TFR2: variants seen among roughly 807,000 people sequenced by gnomAD.
TFR2 encodes the protein transferrin receptor protein 2.
In TFR2, 64 loss-of-function variants were observed where a neutral mutation model predicts 91.9. The ratio of observed to expected loss-of-function variants is 0.70; its 90% CI spans 0.57 to 0.86. The LOEUF (loss-of-function observed/expected upper bound fraction) is 0.86. Among genes scored for constraint, TFR2 ranks in the 40% least tolerant of loss-of-function variants. The probability of loss-of-function intolerance (pLI) is 0.00; values close to 1 mark genes in which losing one functional copy is unlikely to be tolerated. For missense variants in TFR2, 950 were observed against 1,080.5 expected (o/e 0.88, Z 1.69); for synonymous variants, 454 against 459.6 (o/e 0.99, Z 0.15).
chr7:100,641,344 T>TG, intron 1 of TFR2, 116 bp from the exon 2 acceptor site: 1 of 134,440 alleles, frequency 7.4e-6, no homozygotes, highest in Non-Finnish European at 1.4e-5. Context: ...GGTGGGGGCG[T>TG]GGGGGAGGGG....
chr7:100,621,531 G>C (rs749351648), intron 17 of TFR2, among the ~76,000 whole-genome samples: 8 of 152,200 alleles, frequency 5.3e-5, no homozygotes, highest in Non-Finnish European at 1.2e-4. Context: ...TGGGATTACA[G>C]GTGTGAGCCA....
rs1446559111 is a variant in TFR2 at position 100,632,981 on chromosome 7, C to T, written c.849+20G>A. 6.2e-7 allele frequency: 1 copy of T among 1,613,590 alleles called. No individual in the cohort carries two copies. The highest frequency in any genetic ancestry group is 1.3e-5 in the African/African-American group (1 of 74,920). On this transcript the variant is annotated intron_variant, in intron 6 of 17. Transcript: ENST00000223051. Reference sequence around the variant, plus strand: ...TCCGGTTCCCGGGCTCAAGCCCTCCCTCTGTCCAGGGACACTTACCTTCTG... The same window carrying T: ...TCCGGTTCCCGGGCTCAAGCCCTCCTTCTGTCCAGGGACACTTACCTTCTG...
At chr7:100,630,270 TTC>T (rs1285732579) in intron 9 of TFR2, among the ~76,000 whole-genome samples, 1 of 151,634 alleles carries the variant, frequency 6.6e-6, no homozygotes, top group Non-Finnish European at 1.5e-5. Context: ...TTCTTTCTCT[TTC>T]TCTCTTTCTT....
At chr7:100,640,398 C>T in intron 3 of TFR2, 1 of 441,544 alleles carries the variant, frequency 2.3e-6, no homozygotes, top group Non-Finnish European at 4.1e-6. Context: ...CAAGGCTTTT[C>T]TGGGTCTGTC....
rs41303480 is a variant in TFR2, at chr7:100,631,822, C to T, written c.1090G>A (p.Ala364Thr). Reference sequence around the variant, plus strand: ...TCCCCTCACCTCAGCAGGCGGGAGGCAATGTCTGCACTGATGGGCTGGGCT... The same window carrying T: ...TCCCCTCACCTCAGCAGGCGGGAGGTAATGTCTGCACTGATGGGCTGGGCT... ...IPAQPISADIASRLLRKLKGP... is the reference protein window; with the variant it reads ...IPAQPISADITSRLLRKLKGP... The change falls in exon 8 of 18, where the codon GCC becomes ACC. Residue 364 changes from alanine (A) to threonine (T), a missense_variant. Physicochemically the swap from Ala to Thr is moderately conservative, Grantham distance 58. Transcript: ENST00000223051. 4.5e-5 allele frequency: 72 copies of T among 1,612,804 alleles called. No homozygotes were observed. The East Asian group carries it at 1.4e-3, about 31-fold the overall frequency.
In TFR2 at chr7:100,628,291, C is replaced by T. The variant is rs1803326748; in HGVS notation, c.1406G>A (p.Arg469Lys). 6.2e-7 allele frequency: 1 copy of T among 1,613,700 alleles called. No homozygotes were observed. The highest frequency in any genetic ancestry group is 8.5e-7 in the Non-Finnish European group (1 of 1,179,852). Residue 469 changes from arginine (R) to lysine (K), a missense_variant, in exon 11 of 18, where the codon AGA becomes AAA. Coordinates refer to ENST00000223051, the MANE Select transcript of TFR2 (RefSeq NM_003227.4). ...GTCCCAGCTGATGAAGAGGAGACTT[C>T]TGCGGGGCCGGAAGCCTGGGGACAG... ...SMVSNGFRPR[R>K]SLLFISWDGG... is the part of the protein sequence containing the mutation.
intron 17 of TFR2, among the ~76,000 whole-genome samples, chr7:100,625,418 A>G (rs2131309173): frequency 1.4e-5 from 1 of 73,588 alleles, no homozygotes; most frequent in East Asian, 4.2e-4. Context: ...GGGTATGGCA[A>G]CTTTGAAAGG....
chr7:100,632,337 G>A, intron 6 of TFR2, 139 bp from the exon 7 acceptor site: 1 of 820,952 alleles, frequency 1.2e-6, no homozygotes, highest in South Asian at 1.4e-5. Context: ...CCTGGCCTGT[G>A]TCTTCCCAAC....
chr7:100,637,046 G>T (rs181394143), intron 3 of TFR2, among the ~76,000 whole-genome samples: 2 of 152,244 alleles, frequency 1.3e-5, no homozygotes, highest in African/African-American at 4.8e-5. Flanking sequence ...TAGGAGGATT[G>T]CTTGAGCCCA....
chr7:100,632,592 C>T (rs1803474993), intron 6 of TFR2, among the ~76,000 whole-genome samples: 1 of 146,126 alleles, frequency 6.8e-6, no homozygotes. Flanking sequence ...CTCTCTTGCC[C>T]AGGCTGGAGT....
Position 100,632,073 on chromosome 7 carries a change from C to T in TFR2, c.966+9G>A, listed in dbSNP as rs1803454039. 2.5e-6 allele frequency: 4 copies of T among 1,614,034 alleles called. No individual in the cohort carries two copies. The highest frequency in any genetic ancestry group is 3.4e-6 in the Non-Finnish European group (4 of 1,180,014). On this transcript the variant is annotated intron_variant, in intron 7 of 17. Transcript: ENST00000223051. ...CTGGGAACAGCACGACCAGCCTCCC[C>T]AGACTCACATGTCCATACACTGCCT...
In TFR2 at chr7:100,620,437, TTTA is replaced by T. The variant is rs1803071152; in HGVS notation, c.*417_*419del. The stretch of plus-strand genomic sequence containing the variant: ...CAGGTGGCTTATTGATATCAGGTGG[TTTA>T]TTGATATTGAAACTCCACGCCCCTT... On this transcript the variant is annotated 3_prime_UTR_variant, in exon 18 of 18. Transcript: ENST00000223051. The T allele has an allele frequency of 5.8e-6, 1 of 172,758 alleles. No individual in the cohort carries two copies. The highest frequency in any genetic ancestry group is 2.4e-5 in the African/African-American group (1 of 41,960). 10.7% of individuals were successfully genotyped at this position (172,758 alleles called of 1,614,324 possible).
Position 100,640,752 on chromosome 7 carries a change from TAG to T in TFR2, c.405_406del (p.Tyr136LeufsTer80), listed in dbSNP as rs868823304. 2.5e-6 allele frequency: 4 copies of T among 1,613,882 alleles called. No homozygotes were observed. The highest frequency in any genetic ancestry group is 1.3e-5 in the African/African-American group (1 of 74,886). On this transcript the variant is annotated frameshift_variant, in exon 3 of 18. Coordinates refer to ENST00000223051, the MANE Select transcript of TFR2 (RefSeq NM_003227.4). LOFTEE classifies it high-confidence loss of function. ...GAACATGGCCTGGAGGTCGCTCCAG[TAG>T]AGTCTGCCCTGGTGGAAATCCAGGT... is the stretch of plus-strand genomic sequence containing the variant.
At chr7:100,624,536 C>T (rs901240286) in intron 17 of TFR2, among the ~76,000 whole-genome samples, 2 of 76,700 alleles carry the variant, frequency 2.6e-5, no homozygotes, top group Non-Finnish European at 4.9e-5. Flanking sequence ...CCATAGAGAG[C>T]GTGAAAACCA....
chr7:100,620,575 T>C lies in TFR2; in HGVS notation c.*282A>G. On this transcript the variant is annotated 3_prime_UTR_variant, in exon 18 of 18. Coordinates refer to ENST00000223051, the MANE Select transcript of TFR2 (RefSeq NM_003227.4). ...CAAACCTCCCAGAGTGGTCTCTAGG[T>C]ATGGAGGACCCCAGAAAGGGGAAGG... 1 of 402,496 alleles carries C rather than the reference T, an allele frequency of 2.5e-6. No individual in the cohort carries two copies. Among genetic ancestry groups the C allele is most frequent in the Non-Finnish European group, 4.6e-6 (1 of 216,638 alleles). 24.9% of individuals were successfully genotyped at this position (402,496 alleles called of 1,614,324 possible).
At position 100,632,215 on chromosome 7, in the gene TFR2, C is replaced by T. The variant is rs758378769; in HGVS notation, c.850-17G>A. 9 of 1,610,420 alleles carry T rather than the reference C, an allele frequency of 5.6e-6. No homozygotes were observed. In the African/African-American group the frequency reaches 1.2e-4, roughly 22 times the overall value. On this transcript the variant is annotated splice_polypyrimidine_tract_variant and intron_variant, in intron 6 of 17. Coordinates refer to ENST00000223051, the MANE Select transcript of TFR2 (RefSeq NM_003227.4). ...ATTGGTCACCTGGGGAGGAAGGTGA[C>T]TAGAGGACTCCTCCCAGAAAAAAAC... is the stretch of plus-strand genomic sequence containing the variant.
In TFR2 at chr7:100,627,487, T is replaced by C; in HGVS notation, c.1772A>G (p.Asp591Gly). Residue 591 changes from aspartate (D) to glycine (G), a missense_variant, in exon 16 of 18, where the codon GAC becomes GGC. Asp to Gly is a moderately conservative substitution (Grantham distance 94). Coordinates refer to ENST00000223051, the MANE Select transcript of TFR2 (RefSeq NM_003227.4). ...PAVEFSFMED[D>G]QAYPFLHTKE... ...TGTGTGCAGGAATGGGTAGGCCTGG[T>C]CGTCCTGCCAGGACAGGGTGGACGC... 1 of 1,611,004 alleles carries C rather than the reference T, an allele frequency of 6.2e-7. No individual in the cohort carries two copies.
At chr7:100,622,783 C>T (rs992211971) in intron 17 of TFR2, among the ~76,000 whole-genome samples, 3 of 151,914 alleles carry the variant, frequency 2.0e-5, no homozygotes, top group African/African-American at 7.3e-5. Context: ...ATGGCAAAAC[C>T]CTGTCTCTAC....
chr7:100,621,515 A>G (rs960021974), intron 17 of TFR2, among the ~76,000 whole-genome samples: 2 of 152,140 alleles, frequency 1.3e-5, no homozygotes, highest in Middle Eastern at 3.2e-3. Flanking sequence ...TGGCCTCCCA[A>G]AGTGCTGGGA....
Sources: allele counts gnomAD v4.1 joint callset (sites outside exome capture counted in the v4.1 genomes callset), GRCh38; gene constraint gnomAD v4.1.1; transcripts MANE v1.5; gene names NCBI Gene and HGNC (gene_info 2026-07-23, HGNC 2026-07-21).